ANO7: variants seen among roughly 807,000 people sequenced by gnomAD.
The protein encoded by ANO7 is anoctamin 7, also known as anoctamin-7.
In ANO7, 114 loss-of-function variants were observed where a neutral mutation model predicts 115.8. The ratio of observed to expected loss-of-function variants is 0.98; its 90% CI spans 0.85 to 1.15. The LOEUF (loss-of-function observed/expected upper bound fraction) is 1.15, where lower values mean the gene tolerates loss of function less well. Among genes scored for constraint, ANO7 ranks in the 50% most tolerant of loss-of-function variants. The pLI is 0.00. For synonymous variants in ANO7, 550 were observed against 498.2 expected, an observed-to-expected ratio of 1.10 and a Z score of -1.38; for missense variants, 1,302 against 1,201.2, an observed-to-expected ratio of 1.08 and a Z score of -1.24.
At chr2:241,233,943 C>T in the ANO7 span, 25 of 1,614,080 alleles carry the variant, frequency 1.5e-5, no homozygotes, top group Non-Finnish European at 1.9e-5. This position sits in a 1 kb window ranked among gnomAD's most constrained non-coding sequence, Gnocchi z 4.3. Context: ...CAGTGACACT[C>T]AGCTTAAAAC....
At chr2:241,236,442 ACT>A in the ANO7 span, 8 of 669,350 alleles carry the variant, frequency 1.2e-5, no homozygotes, top group Admixed American at 2.7e-5. Flanking sequence ...GCCTCCCCAA[ACT>A]CTGTGTCCAG....
At chr2:241,208,888 G>T (rs890404587) in intron 11 of ANO7, among the ~76,000 whole-genome samples, 3 of 152,270 alleles carry the variant, frequency 2.0e-5, no homozygotes, top group East Asian at 1.9e-4. Flanking sequence ...GGTGGCTCAC[G>T]CCTGTAATCC....
chr2:241,213,848 G>A (rs2068766476), intron 17 of ANO7, among the ~76,000 whole-genome samples: 1 of 152,248 alleles, frequency 6.6e-6, no homozygotes, highest in South Asian at 2.1e-4. Context: ...GCCCCCAAAG[G>A]GGTGGTGTCC....
chr2:241,236,586 G>C, the ANO7 span: 5 of 1,611,624 alleles, frequency 3.1e-6, no homozygotes, highest in South Asian at 2.2e-5. Flanking sequence ...GCCTTGGCGG[G>C]GGGTGGAGGG....
At position 241,200,207 on chromosome 2, in the gene ANO7, G is replaced by A. The variant is rs1256430050; in HGVS notation, c.536G>A (p.Arg179Lys). The A allele has an allele frequency of 6.2e-7, 1 of 1,612,860 alleles. No homozygotes were observed. The highest frequency in any genetic ancestry group is 8.5e-7 in the Non-Finnish European group (1 of 1,179,880). ...VPPEYYSCRF[R>K]VNKLPRFLGS... ...CCCGAGTACTACTCCTGCCGGTTCA[G>A]AGTGAACAAGCTGCCACGGTAAGGC... Residue 179 changes from arginine to lysine, a missense_variant, in exon 6 of 25, where the codon AGA (arginine) becomes AAA (lysine). Transcript: ENST00000674324.
At chr2:241,204,811 T>C (rs1474133190) in intron 9 of ANO7, 54 bp from the exon 10 acceptor site, 2 of 1,483,708 alleles carry the variant, frequency 1.3e-6, no homozygotes, top group Admixed American at 3.4e-5. Context: ...GACCCCTACC[T>C]GGGGCCCCCA....
chr2:241,232,614 A>G, the ANO7 span, among the ~76,000 whole-genome samples: 1 of 152,146 alleles, frequency 6.6e-6, no homozygotes, highest in Non-Finnish European at 1.5e-5. Flanking sequence ...ATAGAATAGT[A>G]GAGGGAAATA....
At position 241,199,422 on chromosome 2, in the gene ANO7, A is replaced by C. The variant is rs773981613; in HGVS notation, c.416A>C (p.Gln139Pro). Reference sequence around the variant, plus strand: ...GACCTGCGCCTGAAGCTGCCCTTGCAGGTACGTGGGAGGCATGGGGACAGG... The same window carrying C: ...GACCTGCGCCTGAAGCTGCCCTTGCCGGTACGTGGGAGGCATGGGGACAGG... ...AEDLRLKLPL[Q>P]ELPNQASNWS... Residue 139 changes from glutamine (Q) to proline (P), a missense_variant and splice_region_variant, in exon 5 of 25, where the codon CAG becomes CCG. By Grantham distance (76) the Gln-to-Pro change is moderately conservative. Transcript: ENST00000674324. 24 of 1,613,630 alleles carry C rather than the reference A, an allele frequency of 1.5e-5. No individual in the cohort carries two copies. The highest frequency in any genetic ancestry group is 1.7e-4 in the Middle Eastern group (1 of 6,060).
chr2:241,209,264 C>T lies in ANO7; in HGVS notation c.1078-21C>T, dbSNP rs764475805. The T allele has an allele frequency of 4.4e-5, 68 of 1,541,354 alleles. 1 individual carries two copies. The East Asian group carries it at 7.3e-4, about 17-fold the overall frequency. ...GCCTCCAGTCCCAAGCAAGTCTGGA[C>T]GCCCCCGCTCCCTGCCACAGGCCGG... On this transcript the variant is annotated intron_variant, in intron 11 of 24. Transcript: ENST00000674324.
At chr2:241,193,222 A>G (rs1446498260) in intron 3 of ANO7, among the ~76,000 whole-genome samples, 1 of 151,702 alleles carries the variant, frequency 6.6e-6, no homozygotes, top group African/African-American at 2.4e-5. Context: ...GGTGCGCCCC[A>G]CCACGCCCGG....
the ANO7 span, chr2:241,238,869 C>G: frequency 8.5e-7 from 1 of 1,173,500 alleles, no homozygotes; most frequent in Non-Finnish European, 1.2e-6. The surrounding 1 kb of genome is among the most constrained non-coding windows in gnomAD (Gnocchi z 4.9). Flanking sequence ...CTTCACACCA[C>G]CTTCCTCCCT....
At chr2:241,193,284 G>T (rs2068247629) in intron 3 of ANO7, among the ~76,000 whole-genome samples, 1 of 152,130 alleles carries the variant, frequency 6.6e-6, no homozygotes, top group Admixed American at 6.5e-5. Context: ...TGGTTGGGCA[G>T]GTCTTGAACT....
At chr2:241,196,378 G>A (rs372510895) in intron 4 of ANO7, among the ~76,000 whole-genome samples, 4 of 152,102 alleles carry the variant, frequency 2.6e-5, no homozygotes, top group East Asian at 1.9e-4. Context: ...TGGGGATTGG[G>A]GTGCAGAGCC....
chr2:241,204,686 G>C (rs1035107278), intron 9 of ANO7, among the ~76,000 whole-genome samples, 179 bp from the exon 10 acceptor site: 1 of 152,136 alleles, frequency 6.6e-6, no homozygotes, highest in Admixed American at 6.5e-5. Context: ...GCCCAGGAGG[G>C]TGGGCCGTGC....
the ANO7 span, chr2:241,235,622 C>A: frequency 1.1e-4 from 172 of 1,528,002 alleles, no homozygotes; most frequent in Middle Eastern, 1.7e-4. Context: ...ATGGTTAGGC[C>A]GTGGGAGCTG....
At chr2:241,197,326 C>T (rs2068365685) in intron 4 of ANO7, among the ~76,000 whole-genome samples, 1 of 152,158 alleles carries the variant, frequency 6.6e-6, no homozygotes, top group South Asian at 2.1e-4. Context: ...TCTTGAACTC[C>T]TGACCTCAGG....
Position 241,217,917 on chromosome 2 carries a change from CGGGGCGGGGGCGCGCAGGGGCG to C in ANO7, c.2178+37_2178+58del, listed in dbSNP as rs1452882879. 1.3e-5 allele frequency: 10 copies of C among 794,604 alleles called. No homozygotes were observed. The East Asian group carries it at 1.4e-4, about 11-fold the overall frequency. 49.2% of individuals were successfully genotyped at this position (794,604 alleles called of 1,614,324 possible). ...GTGAGGCCCGGGCGGGAGCGCGGGG[CGGGGCGGGGGCGCGCAGGGGCG>C]GGGGCGGGGGGGGCAGCGGGGGCGC... On this transcript the variant is annotated intron_variant, in intron 20 of 24. Coordinates refer to ENST00000674324, the MANE Select transcript of ANO7 (RefSeq NM_001370694.2).
rs1340695437 is a variant in ANO7 at position 241,216,149 on chromosome 2, G to A, written c.1883G>A (p.Gly628Glu). ...CTTCGCTCCAAGAAGAGGAAGGCGG[G>A]AGCTTCTGCAGGGGCTAGCCAGGGG... The part of the protein sequence containing the change: ...FRLRSKKRKA[G>E]ASAGASQGPW... Residue 628 changes from glycine (G) to glutamate (E), a missense_variant, in exon 19 of 25, where the codon GGA (glycine) becomes GAA (glutamate). Transcript: ENST00000674324. 1.2e-5 allele frequency: 20 copies of A among 1,613,422 alleles called. No homozygotes were observed. Among genetic ancestry groups the A allele is most frequent in the Admixed American group, 6.7e-5 (4 of 59,988 alleles).
At chr2:241,223,123 G>T in intron 21 of ANO7, 63 bp from the exon 22 acceptor site, 1 of 1,463,900 alleles carries the variant, frequency 6.8e-7, no homozygotes, top group Non-Finnish European at 9.5e-7. Context: ...GCTAATTCCA[G>T]AGGCACCTGC....
Sources: allele counts gnomAD v4.1 joint callset (sites outside exome capture counted in the v4.1 genomes callset), GRCh38; gene constraint gnomAD v4.1.1; non-coding constraint Gnocchi (gnomAD v3.1); transcripts MANE v1.5; gene names NCBI Gene and HGNC (gene_info 2026-07-23, HGNC 2026-07-21).